FGF14: variants seen among roughly 807,000 people sequenced by gnomAD.
FGF14 encodes fibroblast growth factor 14.
In FGF14, 5 loss-of-function variants were observed where a neutral mutation model predicts 25.5. That is an observed-to-expected ratio of 0.20 (90% CI 0.10 to 0.41). The LOEUF (loss-of-function observed/expected upper bound fraction) is 0.41, where lower values mean the gene tolerates loss of function less well. Ranked by LOEUF, FGF14 falls within the 10% of genes least tolerant of loss-of-function variation. FGF14 has a pLI of 1.00. For missense variants in FGF14, 222 were observed against 320.1 expected, an observed-to-expected ratio of 0.69 and a Z score of 2.34; for synonymous variants, 138 against 118.3, an observed-to-expected ratio of 1.17 and a Z score of -1.08.
At position 101,713,744 on chromosome 13, in the gene FGF14, A is replaced by C. The variant is rs1338488728; in HGVS notation, c.*9087T>G. The C allele has an allele frequency of 6.6e-6, 1 of 152,218 alleles. No individual in the cohort carries two copies. Among genetic ancestry groups the C allele is most frequent in the Non-Finnish European group, 1.5e-5 (1 of 68,040 alleles). 9.4% of individuals were successfully genotyped at this position (152,218 alleles called of 1,614,324 possible). A position where few individuals can be genotyped will look rare whatever the true frequency, so the allele number is the denominator to read the frequency against. ...GTAAAGATATTTTAAATAACCAAAG[A>C]GGAAGTTTTTTAGTTAGGTAGGAGA... On this transcript the variant is annotated 3_prime_UTR_variant, in exon 5 of 5. Coordinates refer to ENST00000376143, the MANE Select transcript of FGF14 (RefSeq NM_004115.4).
At position 102,324,529 on chromosome 13, in the gene FGF14, TTTAA is replaced by T. The variant is rs1176207976; in HGVS notation, c.208+76938_208+76941del. Among the ~76,000 whole-genome samples the T allele has an allele frequency of 1.6e-3, 246 of 152,308 alleles. 2 individuals are homozygous for T. Among genetic ancestry groups the T allele is most frequent in the African/African-American group, 5.5e-3 (227 of 41,578 alleles). ...GCTTTCTTCCCACCCCTTGTGGAGC[TTTAA>T]TGCTAGTGGTCCTTGTCAGGGTTAG... On this transcript the variant is annotated intron_variant, in intron 1 of 4. Transcript: ENST00000376131.
At chr13:101,828,905 C>T (rs1468253577) in intron 3 of FGF14, among the ~76,000 whole-genome samples, 2 of 152,110 alleles carry the variant, frequency 1.3e-5, no homozygotes, top group African/African-American at 4.8e-5. Flanking sequence ...CCTTTCCTGT[C>T]TTCTCACTAG....
intron 1 of FGF14, among the ~76,000 whole-genome samples, chr13:101,937,547 G>C (rs540159174): frequency 1.3e-5 from 2 of 152,272 alleles, no homozygotes; most frequent in East Asian, 3.9e-4. Context: ...CTTGACCGTG[G>C]ACTGCTAGCA....
chr13:102,001,464 A>C (rs1278207442), intron 1 of FGF14, among the ~76,000 whole-genome samples: 2 of 152,158 alleles, frequency 1.3e-5, no homozygotes, highest in Non-Finnish European at 2.9e-5. Flanking sequence ...TAATATTTTT[A>C]CTGGAATAAA....
At chr13:102,131,530 A>G (rs138264049) in intron 1 of FGF14, among the ~76,000 whole-genome samples, 1 of 152,132 alleles carries the variant, frequency 6.6e-6, no homozygotes, top group African/African-American at 2.4e-5. Context: ...TCTCATCTCC[A>G]TGGTGTCACT....
At chr13:102,256,068 G>A (rs2141092667) in intron 1 of FGF14, among the ~76,000 whole-genome samples, 1 of 152,304 alleles carries the variant, frequency 6.6e-6, no homozygotes, top group Middle Eastern at 3.4e-3. Flanking sequence ...CTTGGGGACA[G>A]GTGAGGCACA....
At chr13:102,072,773 AAAAC>A (rs368110510) in intron 1 of FGF14, among the ~76,000 whole-genome samples, 22 of 152,242 alleles carry the variant, frequency 1.4e-4, no homozygotes, top group African/African-American at 4.8e-4. Context: ...TAGAAAAAGA[AAAAC>A]AAAGAAGTTA....
chr13:102,373,878 A>G (rs2057958635), intron 1 of FGF14, among the ~76,000 whole-genome samples: 1 of 151,732 alleles, frequency 6.6e-6, no homozygotes, highest in Non-Finnish European at 1.5e-5. Flanking sequence ...TTCTAAAAAA[A>G]TATCAATGCT....
Position 101,759,596 on chromosome 13 carries a change from A to G in FGF14, c.409-32786T>C, listed in dbSNP as rs529105393. 3.0e-3 allele frequency among the ~76,000 whole-genome samples: 464 copies of G among 152,270 alleles called. 2 individuals are homozygous for G. Among genetic ancestry groups the G allele is most frequent in the African/African-American group, 0.011 (440 of 41,554 alleles). ...TTGGAAAGACAGGTTCACATCATTC[A>G]ATGAATAACTGTCTCACCTATTTTA... is the stretch of plus-strand genomic sequence containing the variant. On this transcript the variant is annotated intron_variant, in intron 3 of 4. Transcript: ENST00000376143.
Position 101,969,941 on chromosome 13 carries a change from G to A in FGF14, c.209-94645C>T, listed in dbSNP as rs995074060. On this transcript the variant is annotated intron_variant, in intron 1 of 4. Transcript: ENST00000376131. ...GTATTCCTGCCGGTAGCAAACATTC[G>A]TAATTTATGGGTCAGAACATTTCAG... Among the ~76,000 whole-genome samples, 10 of 152,302 alleles carry A rather than the reference G, an allele frequency of 6.6e-5. 1 individual carries two copies. The highest frequency in any genetic ancestry group is 6.5e-5 in the Admixed American group (1 of 15,306).
chr13:102,087,834 T>TGTAA (rs1447833244), intron 1 of FGF14, among the ~76,000 whole-genome samples: 3 of 150,496 alleles, frequency 2.0e-5, no homozygotes, highest in Admixed American at 1.3e-4. Context: ...CTGTGTCAGA[T>TGTAA]AATACACTTT....
At chr13:101,854,232 T>C (rs1038160209) in intron 3 of FGF14, among the ~76,000 whole-genome samples, 5 of 152,142 alleles carry the variant, frequency 3.3e-5, no homozygotes, top group African/African-American at 1.2e-4. Flanking sequence ...TGTATATGCA[T>C]TTATGCATAA....
intron 1 of FGF14, among the ~76,000 whole-genome samples, chr13:102,006,476 T>A (rs912000912): frequency 4.6e-5 from 7 of 152,096 alleles, no homozygotes; most frequent in African/African-American, 2.4e-5. Context: ...CTGTTGTCAT[T>A]ATGTAGTGAG....
intron 1 of FGF14, among the ~76,000 whole-genome samples, chr13:102,318,791 AG>A (rs770755102): frequency 6.6e-6 from 1 of 152,148 alleles, no homozygotes; most frequent in Non-Finnish European, 1.5e-5. Flanking sequence ...CATAAATTTG[AG>A]GGGGGCACGT....
At chr13:101,873,502 G>A (rs1204441671) in intron 2 of FGF14, among the ~76,000 whole-genome samples, 1 of 152,094 alleles carries the variant, frequency 6.6e-6, no homozygotes, top group Non-Finnish European at 1.5e-5. Context: ...TGGGAAACTA[G>A]TTATTACGTT....
At chr13:102,347,233 A>G (rs2057136125) in intron 1 of FGF14, among the ~76,000 whole-genome samples, 1 of 152,312 alleles carries the variant, frequency 6.6e-6, no homozygotes, top group African/African-American at 2.4e-5. Flanking sequence ...ACCAGGCCCT[A>G]TGCTCGACAT....
At chr13:102,180,467 C>T (rs779678617) in intron 1 of FGF14, among the ~76,000 whole-genome samples, 4 of 152,046 alleles carry the variant, frequency 2.6e-5, no homozygotes, top group African/African-American at 4.8e-5. Context: ...CACCTGCCAC[C>T]ATGCCCAGCT....
chr13:102,111,143 C>T (rs1399595073), intron 1 of FGF14, among the ~76,000 whole-genome samples: 3 of 152,136 alleles, frequency 2.0e-5, no homozygotes, highest in Admixed American at 6.5e-5. Flanking sequence ...CCTCCACCTG[C>T]AGGCACCACT....
intron 1 of FGF14, among the ~76,000 whole-genome samples, chr13:101,895,926 G>A (rs970167979): frequency 1.3e-5 from 2 of 152,118 alleles, no homozygotes; most frequent in Non-Finnish European, 2.9e-5. Flanking sequence ...TGGTAATCAG[G>A]AATTTCTTTG....
Sources: gnomAD v4.1 joint callset for allele counts (sites outside exome capture counted in the v4.1 genomes callset) on GRCh38, gnomAD v4.1.1 for gene constraint, MANE v1.5 for transcripts, NCBI Gene and HGNC (gene_info 2026-07-23, HGNC 2026-07-21) for gene names.